The following PSMC6 variants were observed in gnomAD, a reference collection of about 807,000 sequenced individuals.
The protein encoded by PSMC6 is 26S proteasome regulatory subunit 10B.
PSMC6 carries 3 observed loss-of-function variants against 55.9 expected under a neutral mutation model. The observed-to-expected ratio is 0.05, with a 90% CI of 0.02 to 0.14. PSMC6 has a LOEUF of 0.14. Among genes scored for constraint, PSMC6 ranks in the 10% least tolerant of loss-of-function variants. The pLI is 1.00. For synonymous variants in PSMC6, 137 were observed against 155.9 expected, an observed-to-expected ratio of 0.88 and a Z score of 0.90; for missense variants, 210 against 478.7, an observed-to-expected ratio of 0.44 and a Z score of 5.24.
chr14:52,717,511 A>G (rs1296102857), intron 7 of PSMC6, among the ~76,000 whole-genome samples: 2 of 151,030 alleles, frequency 1.3e-5, no homozygotes, highest in Non-Finnish European at 3.0e-5. Flanking sequence ...AATTTTTTGT[A>G]TTTTTAGTAG....
intron 13 of PSMC6, among the ~76,000 whole-genome samples, chr14:52,726,925 AGCCACCGT>A (rs1387119979): frequency 7.9e-5 from 12 of 151,954 alleles, no homozygotes; most frequent in African/African-American, 2.4e-4. Flanking sequence ...TACAGGTGTG[AGCCACCGT>A]GCCCAGCCTT....
At position 52,708,495 on chromosome 14, in the gene PSMC6, G is replaced by A; in HGVS notation, c.178G>A (p.Val60Met). 1 of 1,613,992 alleles carries A rather than the reference G, an allele frequency of 6.2e-7. No individual in the cohort carries two copies. Among genetic ancestry groups the A allele is most frequent in the Non-Finnish European group, 8.5e-7 (1 of 1,179,952 alleles). ...LQSVGQIVGEVLKQLTEEKFI... is the reference protein window; with the variant it reads ...LQSVGQIVGEMLKQLTEEKFI... ...TTTTCTTCCTTAGATCGTGGGTGAA[G>A]TGCTTAAACAGTTAACTGAAGAAAA... is the stretch of plus-strand genomic sequence containing the variant. The change falls in exon 3 of 14, where the codon GTG becomes ATG. Residue 60 changes from valine (V) to methionine (M), a missense_variant. This residue lies in a region of PSMC6 where 101 missense variants were observed against 250.4 expected (regional missense o/e 0.40). Transcript: ENST00000445930.
At chr14:52,718,439 C>T (rs1473113567) in intron 9 of PSMC6, 87 bp downstream of exon 9, 1 of 1,383,318 alleles carries the variant, frequency 7.2e-7, no homozygotes, top group East Asian at 2.3e-5. Context: ...GTAATTGTGA[C>T]TTGTATGAAG....
At chr14:52,716,945 G>A (rs193190080) in intron 7 of PSMC6, among the ~76,000 whole-genome samples, 160 of 152,220 alleles carry the variant, frequency 1.1e-3, no homozygotes, top group African/African-American at 3.8e-3. Flanking sequence ...AATTGAACTC[G>A]TAGAAACCAA....
At chr14:52,718,940 G>C (rs753974220) in intron 9 of PSMC6, 37 bp from the exon 10 acceptor site, 7 of 1,484,162 alleles carry the variant, frequency 4.7e-6, no homozygotes, top group Non-Finnish European at 5.6e-6. Context: ...TAGAGGAAAA[G>C]AGTAATGCAT....
rs1438490997 is a variant in PSMC6 at position 52,708,298 on chromosome 14, T to C, written c.86-11T>C. ...TGTTCAATTAAAAATGTTCAAATTG[T>C]ATTATTTCAGTAAGGGAACAATTAA... On this transcript the variant is annotated splice_polypyrimidine_tract_variant and intron_variant, in intron 1 of 13. Coordinates refer to ENST00000445930, the MANE Select transcript of PSMC6 (RefSeq NM_002806.5). 1.3e-6 allele frequency: 2 copies of C among 1,590,648 alleles called. No individual in the cohort carries two copies. The highest frequency in any genetic ancestry group is 2.7e-5 in the African/African-American group (2 of 74,366).
intron 9 of PSMC6, 57 bp downstream of exon 9, chr14:52,718,409 C>A (rs935940279): frequency 1.3e-6 from 2 of 1,521,172 alleles, no homozygotes; most frequent in Non-Finnish European, 1.8e-6. Context: ...GTAAAAGAAC[C>A]TTTTTCCCTC....
At chr14:52,709,056 G>T in intron 4 of PSMC6, 1 of 346,756 alleles carries the variant, frequency 2.9e-6, no homozygotes, top group Non-Finnish European at 5.1e-6. Flanking sequence ...TAGCCACTTA[G>T]AAATAAAAGT....
chr14:52,711,921 G>A (rs1013818430), intron 6 of PSMC6, among the ~76,000 whole-genome samples: 23 of 152,176 alleles, frequency 1.5e-4, no homozygotes, highest in Non-Finnish European at 3.1e-4. Context: ...CAGAAGAGTA[G>A]GGTACCTGTT....
chr14:52,707,475 C>T, intron 1 of PSMC6, 171 bp downstream of exon 1: 1 of 868,110 alleles, frequency 1.2e-6, no homozygotes, highest in Non-Finnish European at 1.7e-6. Flanking sequence ...AGCACTCCTT[C>T]GGGTGTAGAA....
chr14:52,713,249 G>T (rs2041794607), intron 6 of PSMC6, among the ~76,000 whole-genome samples: 1 of 152,106 alleles, frequency 6.6e-6, no homozygotes, highest in African/African-American at 2.4e-5. Flanking sequence ...TCTCTCTTAA[G>T]TTACTGGTAC....
rs2041712504 is a variant in PSMC6, at chr14:52,707,267, G to A, written c.48G>A (p.Leu16=). 6.2e-7 allele frequency: 1 copy of A among 1,613,966 alleles called. No individual in the cohort carries two copies. Among genetic ancestry groups the A allele is most frequent in the Non-Finnish European group, 8.5e-7 (1 of 1,180,020 alleles). ...DKALQDYRKK[L]LEHKEIDGRL... is the part of the protein sequence containing the mutation. ...CGCTTCAGGACTACCGCAAGAAGTT[G>A]CTTGAACACAAGGAGATCGACGGCC... The change falls in exon 1 of 14, where the codon TTG becomes TTA. Residue 16 remains leucine, a synonymous_variant. Transcript: ENST00000445930.
chr14:52,727,690 G>A lies in PSMC6; in HGVS notation c.*73G>A. The A allele has an allele frequency of 3.1e-6, 3 of 974,392 alleles. No individual in the cohort carries two copies. The highest frequency in any genetic ancestry group is 4.0e-5 in the Admixed American group (2 of 49,792). The allele number at this position is 974,392 out of a possible 1,614,324, so 60.4% of individuals were successfully genotyped here. ...TAAAAATAAAGTTAAAGAAAATAATGTATGTATTGGTAATGATGTCATTAA... is the reference window on the plus strand; with the variant it reads ...TAAAAATAAAGTTAAAGAAAATAATATATGTATTGGTAATGATGTCATTAA... On this transcript the variant is annotated 3_prime_UTR_variant, in exon 14 of 14. Transcript: ENST00000445930.
rs553775049 is a variant in PSMC6, at chr14:52,728,539, T to A, written c.*922T>A. The A allele has an allele frequency of 5.9e-5, 9 of 152,332 alleles. No homozygotes were observed. The South Asian group carries it at 1.7e-3, about 28-fold the overall frequency. The allele number at this position is 152,332 out of a possible 1,614,324, so 9.4% of individuals were successfully genotyped here. ...AGAAATGTTCAAAACATGATTTCTG[T>A]TACCTATACATGATTCTTATATCAT... is the stretch of plus-strand genomic sequence containing the variant. On this transcript the variant is annotated 3_prime_UTR_variant, in exon 14 of 14. Coordinates refer to ENST00000445930, the MANE Select transcript of PSMC6 (RefSeq NM_002806.5).
Position 52,727,684 on chromosome 14 carries a change from A to T in PSMC6, c.*67A>T. 1 of 1,091,396 alleles carries T rather than the reference A, an allele frequency of 9.2e-7. No individual in the cohort carries two copies. The highest frequency in any genetic ancestry group is 1.4e-5 in the South Asian group (1 of 72,782). The allele number at this position is 1,091,396 out of a possible 1,614,324, so 67.6% of individuals were successfully genotyped here. On this transcript the variant is annotated 3_prime_UTR_variant, in exon 14 of 14. Coordinates refer to ENST00000445930, the MANE Select transcript of PSMC6 (RefSeq NM_002806.5). Reference sequence around the variant, plus strand: ...TTATTGTAAAAATAAAGTTAAAGAAAATAATGTATGTATTGGTAATGATGT... The same window carrying T: ...TTATTGTAAAAATAAAGTTAAAGAATATAATGTATGTATTGGTAATGATGT...
chr14:52,718,290 T>G lies in PSMC6; in HGVS notation c.653T>G (p.Met218Arg). The G allele has an allele frequency of 6.2e-7, 1 of 1,612,742 alleles. No homozygotes were observed. The highest frequency in any genetic ancestry group is 8.5e-7 in the Non-Finnish European group (1 of 1,178,756). The change falls in exon 9 of 14, where the codon ATG (methionine) becomes AGG (arginine). Residue 218 changes from methionine to arginine, a missense_variant. By Grantham distance (91) the Met-to-Arg change is moderately conservative (BLOSUM62 -1). Coordinates refer to ENST00000445930, the MANE Select transcript of PSMC6 (RefSeq NM_002806.5). ...GAAAGTGCTCGTTTGATCAGAGAAA[T>G]GTTTAATTATGCTAGAGATCATCAA... The part of the protein sequence containing the change: ...IGESARLIRE[M>R]FNYARDHQPC...
At chr14:52,714,035 C>G in intron 7 of PSMC6, 67 bp downstream of exon 7, 1 of 1,070,554 alleles carries the variant, frequency 9.3e-7, no homozygotes, top group South Asian at 1.5e-5. Flanking sequence ...AAAAAAAAGA[C>G]AATTTTTTTA....
chr14:52,711,870 G>GT (rs1312078643), intron 6 of PSMC6, among the ~76,000 whole-genome samples: 1 of 152,130 alleles, frequency 6.6e-6, no homozygotes. Context: ...TGTGTGATGA[G>GT]TTTTTTCCAT....
rs2041886986 is a variant in PSMC6, at chr14:52,721,210, T to C, written c.979+20T>C. On this transcript the variant is annotated intron_variant, in intron 12 of 13. Transcript: ENST00000445930. ...AAATAGGTAAGGAAGTCATCTATTT[T>C]ATATGTATTTACATTTGGTAAATGA... 1.3e-6 allele frequency: 2 copies of C among 1,496,850 alleles called. No homozygotes were observed. The highest frequency in any genetic ancestry group is 2.8e-5 in the African/African-American group (2 of 70,840). The allele number at this position is 1,496,850 out of a possible 1,614,324, so 92.7% of individuals were successfully genotyped here.
Sources: gnomAD v4.1 joint callset for allele counts (sites outside exome capture counted in the v4.1 genomes callset) on GRCh38, gnomAD v4.1.1 for gene constraint, gnomAD v4.1.1 regional missense constraint, MANE v1.5 for transcripts, NCBI Gene and HGNC (gene_info 2026-07-23, HGNC 2026-07-21) for gene names.